The following PTPRN2 variants were observed in gnomAD, a reference collection of about 807,000 sequenced individuals.
PTPRN2 encodes receptor-type tyrosine-protein phosphatase N2.
In PTPRN2, 74 loss-of-function variants were observed where a neutral mutation model predicts 118.8. The ratio of observed to expected loss-of-function variants is 0.62; its 90% CI spans 0.52 to 0.76. The LOEUF (loss-of-function observed/expected upper bound fraction) is 0.76, where lower values mean the gene tolerates loss of function less well. Ranked by LOEUF, PTPRN2 falls within the 30% of genes least tolerant of loss-of-function variation. The pLI, the probability that PTPRN2 is intolerant of heterozygous loss-of-function variation, is 0.00. For synonymous variants in PTPRN2, 641 were observed against 608.0 expected (o/e 1.05, Z -0.80); for missense variants, 1,481 against 1,394.4 (o/e 1.06, Z -0.99).
At chr7:158,388,582 G>T (rs116231618) in intron 2 of PTPRN2, among the ~76,000 whole-genome samples, 1 of 152,206 alleles carries the variant, frequency 6.6e-6, no homozygotes, top group Non-Finnish European at 1.5e-5. Context: ...GCACCTCCAC[G>T]TGTCTGCCAA....
rs1410066100 is a variant in PTPRN2 at position 158,003,137 on chromosome 7, G to A, written c.1723+78161C>T. On this transcript the variant is annotated intron_variant, in intron 11 of 22. Transcript: ENST00000389418. The surrounding 1 kb of genome is among the most constrained non-coding windows in gnomAD (Gnocchi z 5.0). Reference sequence around the variant, plus strand: ...CCTCTAAAGAGGTAAAGGTAAGGCCGGGCGCGGTGGCTCACGCCTGTAATC... The same window carrying A: ...CCTCTAAAGAGGTAAAGGTAAGGCCAGGCGCGGTGGCTCACGCCTGTAATC... Among the ~76,000 whole-genome samples, 3 of 152,172 alleles carry A rather than the reference G, an allele frequency of 2.0e-5. No homozygotes were observed. Among genetic ancestry groups the A allele is most frequent in the Non-Finnish European group, 4.4e-5 (3 of 68,022 alleles).
chr7:158,197,392 G>T (rs1286758449), intron 4 of PTPRN2, among the ~76,000 whole-genome samples: 1 of 152,150 alleles, frequency 6.6e-6, no homozygotes, highest in Non-Finnish European at 1.5e-5. Context: ...CCCACATACA[G>T]TAATGGAATA....
At position 157,615,377 on chromosome 7, in the gene PTPRN2, A is replaced by G. The variant is rs1371034536; in HGVS notation, c.2344+5985T>C. ...GGGAGCCGCTGACCTTGGGCTCCCT[A>G]ACCTCCTTCAGCCCCAGCTCTGTCC... On this transcript the variant is annotated intron_variant, in intron 15 of 22. Transcript: ENST00000389418. This position sits in a 1 kb window ranked among gnomAD's most constrained non-coding sequence, Gnocchi z 4.3. 1 of 461,478 alleles carries G rather than the reference A, an allele frequency of 2.2e-6. No individual in the cohort carries two copies. Among genetic ancestry groups the G allele is most frequent in the South Asian group, 1.6e-5 (1 of 63,476 alleles). 28.6% of individuals were successfully genotyped at this position (461,478 alleles called of 1,614,324 possible). A position where few individuals can be genotyped will look rare whatever the true frequency, so the allele number is the denominator to read the frequency against.
intron 11 of PTPRN2, among the ~76,000 whole-genome samples, chr7:157,910,180 A>G (rs1164087312): frequency 1.3e-5 from 2 of 152,208 alleles, no homozygotes; most frequent in African/African-American, 2.4e-5. Flanking sequence ...AGGATCACGC[A>G]TGTACGCCGT....
intron 2 of PTPRN2, among the ~76,000 whole-genome samples, chr7:158,470,457 G>A (rs1296358470): frequency 1.3e-5 from 2 of 152,348 alleles, no homozygotes; most frequent in South Asian, 4.1e-4. Context: ...AGGTTCACGC[G>A]AGGATGCTCA....
rs556195498 is a variant in PTPRN2 at position 158,272,931 on chromosome 7, C to T, written c.277+43888G>A. Among the ~76,000 whole-genome samples the T allele has an allele frequency of 2.0e-5, 3 of 152,336 alleles. No individual in the cohort carries two copies. In the South Asian group the frequency reaches 6.2e-4, roughly 32 times the overall value. On this transcript the variant is annotated intron_variant, in intron 3 of 22. Coordinates refer to ENST00000389418, the MANE Select transcript of PTPRN2 (RefSeq NM_002847.5). ...TGCCCCCCAGCCCGGTGCATGCAGA[C>T]TCTGCTGACAGTCCCACGGTTTGGG...
Position 157,839,713 on chromosome 7 carries a change from T to TCTGTGTGA in PTPRN2, c.1788+58952_1788+58959dup, listed in dbSNP as rs559513800. Among the ~76,000 whole-genome samples the TCTGTGTGA allele has an allele frequency of 4.0e-5, 6 of 151,864 alleles. No homozygotes were observed. In the East Asian group the frequency reaches 9.6e-4, roughly 24 times the overall value. ...ATGTGCAACTGTGTGGGAGTGCATG[T>TCTGTGTGA]CTGTGTGACTGTGTGACTGTGTGGC... On this transcript the variant is annotated intron_variant, in intron 12 of 22. Coordinates refer to ENST00000389418, the MANE Select transcript of PTPRN2 (RefSeq NM_002847.5).
chr7:158,424,095 G>A (rs1026112612), intron 2 of PTPRN2, among the ~76,000 whole-genome samples: 1 of 152,140 alleles, frequency 6.6e-6, no homozygotes, highest in Non-Finnish European at 1.5e-5. Flanking sequence ...CCCTCCAGGC[G>A]CCCAGTGATT....
chr7:157,808,189 G>T lies in PTPRN2; in HGVS notation c.1788+90484C>A, dbSNP rs1805750950. Among the ~76,000 whole-genome samples, 1 of 152,148 alleles carries T rather than the reference G, an allele frequency of 6.6e-6. No homozygotes were observed. The highest frequency in any genetic ancestry group is 6.5e-5 in the Admixed American group (1 of 15,276). On this transcript the variant is annotated intron_variant, in intron 12 of 22. Transcript: ENST00000389418. The surrounding 1 kb of genome is among the most constrained non-coding windows in gnomAD (Gnocchi z 5.0). The stretch of plus-strand genomic sequence containing the variant: ...GTGCACAGCAGGAGGTGAGTGGTGG[G>T]TGAGTGAGCTGTTGAGTGGCCGGTG...
chr7:158,359,543 G>C (rs1808676499), intron 2 of PTPRN2, among the ~76,000 whole-genome samples: 2 of 152,236 alleles, frequency 1.3e-5, no homozygotes, highest in East Asian at 3.9e-4. Context: ...TTTGCAGCCT[G>C]AGGACAACTT....
chr7:158,191,827 G>A (rs1011245055), intron 5 of PTPRN2, among the ~76,000 whole-genome samples: 11 of 152,210 alleles, frequency 7.2e-5, no homozygotes, highest in African/African-American at 2.6e-4. Flanking sequence ...CAGGCAGATG[G>A]AGCCCTTACG....
At chr7:157,925,854 C>T (rs1053099196) in intron 11 of PTPRN2, among the ~76,000 whole-genome samples, 2 of 151,986 alleles carry the variant, frequency 1.3e-5, no homozygotes, top group African/African-American at 4.8e-5. Flanking sequence ...AAAACACGGG[C>T]CACTCTTCAA....
At chr7:157,911,332 G>C (rs1376879878) in intron 11 of PTPRN2, among the ~76,000 whole-genome samples, 1 of 152,164 alleles carries the variant, frequency 6.6e-6, no homozygotes, top group Non-Finnish European at 1.5e-5. Context: ...ATTTCTACCT[G>C]AACAGCCAGG....
At chr7:158,328,849 G>C (rs1348051247) in intron 2 of PTPRN2, among the ~76,000 whole-genome samples, 2 of 143,872 alleles carry the variant, frequency 1.4e-5, no homozygotes, top group Non-Finnish European at 1.5e-5. Flanking sequence ...AAATCCAGGA[G>C]ATCCCAGCTT....
intron 12 of PTPRN2, among the ~76,000 whole-genome samples, chr7:157,714,948 TC>T (rs1361392694): frequency 6.6e-6 from 1 of 152,124 alleles, no homozygotes; most frequent in African/African-American, 2.4e-5. Flanking sequence ...ATTCTGGGTC[TC>T]CCGCTTTCCG....
intron 2 of PTPRN2, among the ~76,000 whole-genome samples, chr7:158,451,428 G>T (rs1032091365): frequency 1.3e-5 from 2 of 151,946 alleles, no homozygotes; most frequent in Admixed American, 6.6e-5. Flanking sequence ...CTTCCTCTCC[G>T]CCCTAAAGTC....
intron 1 of PTPRN2, among the ~76,000 whole-genome samples, chr7:158,561,623 C>T (rs1827392313): frequency 6.6e-6 from 1 of 152,236 alleles, no homozygotes; most frequent in South Asian, 2.1e-4. Context: ...CAGCTTTGGC[C>T]TCCCCAGGGC....
intron 11 of PTPRN2, among the ~76,000 whole-genome samples, chr7:157,991,423 C>T (rs147430133): frequency 9.8e-5 from 15 of 152,370 alleles, no homozygotes; most frequent in East Asian, 1.9e-4. Context: ...GCCCGGCCTG[C>T]ACTTCCTGGT....
chr7:157,695,499 T>C (rs999686561), intron 12 of PTPRN2, among the ~76,000 whole-genome samples: 10 of 152,172 alleles, frequency 6.6e-5, no homozygotes, highest in Non-Finnish European at 1.0e-4. Context: ...AAAAATATTG[T>C]AGGTATGTGT....
Sources: allele counts gnomAD v4.1 joint callset (sites outside exome capture counted in the v4.1 genomes callset), GRCh38; gene constraint gnomAD v4.1.1; non-coding constraint Gnocchi (gnomAD v3.1); transcripts MANE v1.5; gene names NCBI Gene and HGNC (gene_info 2026-07-23, HGNC 2026-07-21).